The following ABCB5 variants were observed in gnomAD, a reference collection of about 807,000 sequenced individuals.
ABCB5 encodes ATP binding cassette subfamily B member 5.
Under a neutral mutation model 144.2 loss-of-function variants are expected in ABCB5, and 155 were observed. The ratio of observed to expected loss-of-function variants is 1.08; its 90% confidence interval spans 0.94 to 1.23. The LOEUF (loss-of-function observed/expected upper bound fraction) is 1.23, where lower values mean the gene tolerates loss of function less well. Among genes scored for constraint, ABCB5 ranks in the 50% most tolerant of loss-of-function variants. The probability of loss-of-function intolerance (pLI) is 0.00; values close to 1 mark genes in which losing one functional copy is unlikely to be tolerated. For missense variants in ABCB5, 1,830 were observed against 1,520.8 expected, an observed-to-expected ratio of 1.20 and a Z score of -3.38; for synonymous variants, 610 against 528.6, an observed-to-expected ratio of 1.15 and a Z score of -2.11.
At chr7:20,678,026 C>A (rs7786149) in intron 14 of ABCB5, among the ~76,000 whole-genome samples, 6,054 of 152,138 alleles carry the variant, frequency 0.04, 314 homozygotes, top group African/African-American at 0.12. Flanking sequence ...ACTTTTAAAC[C>A]AAAGTGCAAT....
At chr7:20,635,808 G>T (rs1477894529) in intron 5 of ABCB5, among the ~76,000 whole-genome samples, 6 of 152,184 alleles carry the variant, frequency 3.9e-5, no homozygotes, top group Non-Finnish European at 8.8e-5. Flanking sequence ...TGGTGGAATT[G>T]TTATGGTTTT....
intron 20 of ABCB5, among the ~76,000 whole-genome samples, chr7:20,706,797 G>A (rs1360610050): frequency 2.6e-5 from 4 of 152,128 alleles, no homozygotes; most frequent in African/African-American, 9.7e-5. Flanking sequence ...AAGAGCCACT[G>A]TACTCCAGCC....
chr7:20,671,401 G>A (rs908038574), intron 14 of ABCB5, among the ~76,000 whole-genome samples: 7 of 152,072 alleles, frequency 4.6e-5, no homozygotes, highest in Non-Finnish European at 2.9e-5. Flanking sequence ...TGGCGTATAT[G>A]TACACCAAAA....
chr7:20,621,794 C>A (rs891271650), intron 1 of ABCB5, among the ~76,000 whole-genome samples: 3 of 152,114 alleles, frequency 2.0e-5, no homozygotes, highest in Non-Finnish European at 4.4e-5. Flanking sequence ...AAGTATTACT[C>A]AATAAATATT....
chr7:20,680,406 T>C (rs932720763), intron 14 of ABCB5, among the ~76,000 whole-genome samples: 1 of 151,200 alleles, frequency 6.6e-6, no homozygotes, highest in Non-Finnish European at 1.5e-5. Flanking sequence ...AAAATGAAAA[T>C]AAAATAAAAC....
chr7:20,731,767 T>G (rs985458979), intron 23 of ABCB5, among the ~76,000 whole-genome samples: 2 of 152,168 alleles, frequency 1.3e-5, no homozygotes, highest in African/African-American at 4.8e-5. Context: ...TTGCTTCTCT[T>G]GCCATTGTCC....
At chr7:20,736,528 T>C (rs1436950777) in intron 23 of ABCB5, among the ~76,000 whole-genome samples, 1 of 152,154 alleles carries the variant, frequency 6.6e-6, no homozygotes, top group African/African-American at 2.4e-5. Context: ...TGTTAGTGAC[T>C]TTAAAATATT....
chr7:20,618,764 CTTTTTTTTTTTTTTTT>C (rs59970398), intron 1 of ABCB5, among the ~76,000 whole-genome samples: 9 of 51,576 alleles, frequency 1.7e-4, no homozygotes, highest in African/African-American at 5.3e-4. Flanking sequence ...GCTGCATTTT[CTTTTTTTTTTTTTTTT>C]TTTTTTTTTT....
chr7:20,708,755 C>T (rs73085670), intron 20 of ABCB5, among the ~76,000 whole-genome samples: 51,350 of 151,948 alleles, frequency 0.34, 8,824 homozygotes, highest in Admixed American at 0.43. Context: ...AATAAATAAC[C>T]GTAGGCCTTA....
chr7:20,721,106 T>C (rs548367932), intron 20 of ABCB5, among the ~76,000 whole-genome samples: 4 of 152,310 alleles, frequency 2.6e-5, no homozygotes, highest in South Asian at 2.1e-4. Context: ...AGTCTAAGCA[T>C]TAAACGATAG....
intron 14 of ABCB5, among the ~76,000 whole-genome samples, chr7:20,673,147 G>C (rs1488595610): frequency 6.6e-6 from 1 of 152,012 alleles, no homozygotes; most frequent in African/African-American, 2.4e-5. Context: ...TGTATGACTT[G>C]AATACAAGTA....
intron 5 of ABCB5, among the ~76,000 whole-genome samples, 183 bp from the exon 6 acceptor site, chr7:20,643,001 T>A (rs1233108533): frequency 4.6e-5 from 7 of 152,240 alleles, no homozygotes. Flanking sequence ...ATACACTCTA[T>A]GTTTTACCAG....
At chr7:20,724,597 C>G (rs902993754) in intron 21 of ABCB5, among the ~76,000 whole-genome samples, 8 of 135,806 alleles carry the variant, frequency 5.9e-5, no homozygotes, top group Non-Finnish European at 1.1e-4. Flanking sequence ...CCACTGCACT[C>G]CAACTTGGGC....
intron 24 of ABCB5, among the ~76,000 whole-genome samples, chr7:20,741,892 C>T (rs1416279148): frequency 1.3e-5 from 2 of 152,064 alleles, no homozygotes; most frequent in Admixed American, 1.3e-4. Flanking sequence ...ATCAAAAGAA[C>T]TTAAAATCTT....
intron 16 of ABCB5, among the ~76,000 whole-genome samples, chr7:20,688,526 G>A (rs1480128182): frequency 6.6e-6 from 1 of 152,186 alleles, no homozygotes; most frequent in African/African-American, 2.4e-5. Context: ...TGGTGGGACT[G>A]TAAACTAGTT....
intron 23 of ABCB5, 26 bp downstream of exon 23, chr7:20,728,481 T>G: frequency 6.2e-7 from 1 of 1,609,736 alleles, no homozygotes; most frequent in Non-Finnish European, 8.5e-7. Flanking sequence ...AGTCCGGACC[T>G]GGTAGCTCAC....
intron 15 of ABCB5, among the ~76,000 whole-genome samples, chr7:20,683,811 T>C (rs1195081852): frequency 6.6e-6 from 1 of 152,194 alleles, no homozygotes; most frequent in Non-Finnish European, 1.5e-5. Flanking sequence ...ACATTCTTAT[T>C]TGCCAAGATT....
At chr7:20,658,860 G>T (rs990503642) in intron 14 of ABCB5, among the ~76,000 whole-genome samples, 184 bp downstream of exon 14, 4 of 152,178 alleles carry the variant, frequency 2.6e-5, no homozygotes, top group African/African-American at 9.7e-5. Context: ...GACAGAAGGA[G>T]ATGCTGTGGT....
At chr7:20,666,054 C>T (rs1785182130) in intron 14 of ABCB5, among the ~76,000 whole-genome samples, 2 of 151,708 alleles carry the variant, frequency 1.3e-5, no homozygotes, top group Admixed American at 6.6e-5. Context: ...CGTGCAATCC[C>T]AGCTACTTGA....
Sources: allele counts gnomAD v4.1 joint callset (sites outside exome capture counted in the v4.1 genomes callset), GRCh38; gene constraint gnomAD v4.1.1; transcripts MANE v1.5; gene names NCBI Gene and HGNC (gene_info 2026-07-23, HGNC 2026-07-21).